Variants in C8orf89 observed in about 807,000 individuals in gnomAD.
C8orf89 encodes the protein chromosome 8 open reading frame 89, also known as putative uncharacterized protein C8orf89.
A neutral mutation model predicts 15.8 loss-of-function variants in C8orf89; 14 were observed. The ratio of observed to expected loss-of-function variants is 0.89; its 90% CI spans 0.59 to 1.39. The LOEUF is 1.39. Ranked by LOEUF, C8orf89 falls within the 40% of genes most tolerant of loss-of-function variation. C8orf89 has a pLI of 0.00. For missense variants in C8orf89, 181 were observed against 184.5 expected, an observed-to-expected ratio of 0.98 and a Z score of 0.11; for synonymous variants, 55 against 62.2, an observed-to-expected ratio of 0.88 and a Z score of 0.54.
At chr8:73,279,381 C>T in the C8orf89 span, among the ~76,000 whole-genome samples, 5 of 152,148 alleles carry the variant, frequency 3.3e-5, no homozygotes, top group African/African-American at 1.2e-4. Context: ...GGACTACGGT[C>T]CTGACCATGT....
chr8:73,279,490 C>A, the C8orf89 span, among the ~76,000 whole-genome samples: 1 of 152,180 alleles, frequency 6.6e-6, no homozygotes, highest in Non-Finnish European at 1.5e-5. Flanking sequence ...AAGTAGATGG[C>A]AAGCTTCCTT....
At chr8:73,250,113 C>T (rs1286545729) in intron 3 of C8orf89, among the ~76,000 whole-genome samples, 155 bp downstream of exon 3, 2 of 151,890 alleles carry the variant, frequency 1.3e-5, no homozygotes, top group African/African-American at 4.8e-5. Context: ...ATAATGAACC[C>T]AACATCCACT....
At chr8:73,247,310 T>G (rs1385536206) in intron 3 of C8orf89, among the ~76,000 whole-genome samples, 1 of 152,184 alleles carries the variant, frequency 6.6e-6, no homozygotes, top group Non-Finnish European at 1.5e-5. Context: ...CCATGGTATA[T>G]GTGTACCACA....
At chr8:73,259,271 C>A in intron 1 of C8orf89, 61 bp downstream of exon 1, 3 of 1,105,448 alleles carry the variant, frequency 2.7e-6, no homozygotes, top group Non-Finnish European at 3.7e-6. Flanking sequence ...GAAAAAAATA[C>A]ATGGAAATTC....
At chr8:73,272,461 TA>T in the C8orf89 span, among the ~76,000 whole-genome samples, 1 of 152,048 alleles carries the variant, frequency 6.6e-6, no homozygotes, top group East Asian at 1.9e-4. Flanking sequence ...AATATATATA[TA>T]TTTTTATTAT....
At chr8:73,249,119 T>C (rs1813191726) in intron 3 of C8orf89, among the ~76,000 whole-genome samples, 3 of 152,012 alleles carry the variant, frequency 2.0e-5, no homozygotes, top group Admixed American at 2.0e-4. Context: ...TTGTTGAGAG[T>C]TTTTAATAGG....
chr8:73,253,405 A>G (rs1293695107), intron 2 of C8orf89, among the ~76,000 whole-genome samples: 1 of 152,082 alleles, frequency 6.6e-6, no homozygotes, highest in African/African-American at 2.4e-5. Flanking sequence ...CTTAGGATTG[A>G]CTTGGCGATG....
the C8orf89 span, among the ~76,000 whole-genome samples, chr8:73,273,974 T>C: frequency 6.6e-6 from 1 of 152,170 alleles, no homozygotes; most frequent in Non-Finnish European, 1.5e-5. Flanking sequence ...TTATATTTTG[T>C]AATGATATAT....
intron 2 of C8orf89, among the ~76,000 whole-genome samples, chr8:73,255,438 A>C (rs1285728970): frequency 6.6e-6 from 1 of 152,242 alleles, no homozygotes; most frequent in East Asian, 1.9e-4. Context: ...CACACCAGTT[A>C]GAATGGCAAT....
the C8orf89 span, among the ~76,000 whole-genome samples, chr8:73,267,371 G>A: frequency 1.3e-5 from 2 of 152,012 alleles, no homozygotes; most frequent in African/African-American, 2.4e-5. Flanking sequence ...GTTGATGATG[G>A]ATAACTGAAA....
chr8:73,280,159 G>A, the C8orf89 span, among the ~76,000 whole-genome samples: 2 of 152,146 alleles, frequency 1.3e-5, no homozygotes, highest in African/African-American at 2.4e-5. Flanking sequence ...ATGGCTCAAC[G>A]GTGGCTTTCT....
At chr8:73,279,255 T>C in the C8orf89 span, among the ~76,000 whole-genome samples, 3 of 152,250 alleles carry the variant, frequency 2.0e-5, no homozygotes, top group Admixed American at 6.5e-5. Context: ...TCGATATCTA[T>C]AGAAGTCAAG....
intron 3 of C8orf89, among the ~76,000 whole-genome samples, chr8:73,245,062 G>A (rs184596953): frequency 2.3e-3 from 347 of 152,282 alleles, no homozygotes; most frequent in Non-Finnish European, 3.4e-3. Flanking sequence ...CTTACATGGA[G>A]GCAGATAAGA....
the C8orf89 span, among the ~76,000 whole-genome samples, chr8:73,268,898 A>T: frequency 6.6e-6 from 1 of 152,196 alleles, no homozygotes; most frequent in Non-Finnish European, 1.5e-5. Context: ...TTGAAAAACA[A>T]GACAAAACAG....
chr8:73,254,906 G>T lies in C8orf89; in HGVS notation c.281+2067C>A, dbSNP rs544107158. Among the ~76,000 whole-genome samples, 333 of 152,278 alleles carry T rather than the reference G, an allele frequency of 2.2e-3. 4 individuals are homozygous for T. The highest frequency in any genetic ancestry group is 7.5e-3 in the African/African-American group (310 of 41,550). Reference sequence around the variant, plus strand: ...TTAATAAATGGTGCTGGGAAAACTGGCTAGCCATATGTAGAAAGCTGAAAC... The same window carrying T: ...TTAATAAATGGTGCTGGGAAAACTGTCTAGCCATATGTAGAAAGCTGAAAC... On this transcript the variant is annotated intron_variant, in intron 2 of 3. Coordinates refer to ENST00000624510, the MANE Select transcript of C8orf89 (RefSeq NM_001243237.3).
chr8:73,259,230 T>C lies in C8orf89; in HGVS notation c.127+102A>G, dbSNP rs999162036. The C allele has an allele frequency of 1.6e-5, 11 of 680,896 alleles. No individual in the cohort carries two copies. The South Asian group carries it at 2.4e-4, about 15-fold the overall frequency. 42.2% of individuals were successfully genotyped at this position (680,896 alleles called of 1,614,324 possible). A position where few individuals can be genotyped will look rare whatever the true frequency, so the allele number is the denominator to read the frequency against. ...ATCAATTTAAGATATAATTCTTACA[T>C]AAATGTCACAGAAAATGTCCCTTGC... On this transcript the variant is annotated intron_variant, in intron 1 of 3. Coordinates refer to ENST00000624510, the MANE Select transcript of C8orf89 (RefSeq NM_001243237.3).
chr8:73,254,436 T>C (rs1161563614), intron 2 of C8orf89, among the ~76,000 whole-genome samples: 1 of 152,196 alleles, frequency 6.6e-6, no homozygotes, highest in South Asian at 2.1e-4. Context: ...ATCAGGATGA[T>C]GCTGGCCCAA....
intron 3 of C8orf89, 62 bp from the exon 4 acceptor site, chr8:73,241,667 A>G (rs1275277746): frequency 8.0e-7 from 1 of 1,247,552 alleles, no homozygotes; most frequent in East Asian, 2.6e-5. Context: ...ATAATATTCT[A>G]TTAAATATAA....
chr8:73,276,152 CT>C, the C8orf89 span, among the ~76,000 whole-genome samples: 1 of 146,422 alleles, frequency 6.8e-6, no homozygotes, highest in Non-Finnish European at 1.5e-5. Context: ...ATCAGAAAAG[CT>C]TGTACATACA....
Sources: gnomAD v4.1 joint callset for allele counts (sites outside exome capture counted in the v4.1 genomes callset) on GRCh38, gnomAD v4.1.1 for gene constraint, MANE v1.5 for transcripts, NCBI Gene and HGNC (gene_info 2026-07-23, HGNC 2026-07-21) for gene names.